Variants in TEX15 observed in about 807,000 individuals in gnomAD.
TEX15 encodes testis-expressed protein 15.
Under a neutral mutation model 237.3 loss-of-function variants are expected in TEX15, and 171 were observed. That is an observed-to-expected ratio of 0.72 (90% CI 0.64 to 0.82). The LOEUF (loss-of-function observed/expected upper bound fraction) is 0.82, where lower values mean the gene tolerates loss of function less well. Ranked by LOEUF, TEX15 falls within the 40% of genes least tolerant of loss-of-function variation. The pLI, the probability that TEX15 is intolerant of heterozygous loss-of-function variation, is 0.00. For synonymous variants in TEX15, 1,338 were observed against 1,269.8 expected (o/e 1.05, Z -1.14); for missense variants, 3,750 against 3,646.5 (o/e 1.03, Z -0.73).
In TEX15 at chr8:30,842,314, G is replaced by A. The variant is rs768090180; in HGVS notation, c.7853C>T (p.Thr2618Met). Residue 2618 changes from threonine (T) to methionine (M), a missense_variant, in exon 8 of 11, where the codon ACG becomes ATG. Transcript: ENST00000643185. ...KMAHIRKVMK[T>M]IEHMKMICTK... ...ACATATCATCTTCATATGTTCAATC[G>A]TTTTCATGACTTTCCTAATGTGGGC... 17 of 1,613,746 alleles carry A rather than the reference G, an allele frequency of 1.1e-5. No individual in the cohort carries two copies. The highest frequency in any genetic ancestry group is 5.5e-5 in the South Asian group (5 of 91,068).
In TEX15 at chr8:30,845,083, AT is replaced by A; in HGVS notation, c.5083del (p.Ile1695LeufsTer11). 1.2e-6 allele frequency: 2 copies of A among 1,613,460 alleles called. No homozygotes were observed. The highest frequency in any genetic ancestry group is 1.6e-4 in the Middle Eastern group (1 of 6,062). The stretch of plus-strand genomic sequence containing the variant: ...GCCCATAAGGAAGTTTCCTGTAATA[AT>A]GTTTTGTTTGGGTCTCTCAATAGGA... ...TDPIERPKQN[I>X]ITGNFLMGPL... is the part of the protein sequence containing the mutation. On this transcript the variant is annotated frameshift_variant, in exon 8 of 11. Coordinates refer to ENST00000643185, the MANE Select transcript of TEX15 (RefSeq NM_001350162.2). LOFTEE classifies it high-confidence loss of function.
Position 30,874,951 on chromosome 8 carries a change from A to AT in TEX15, c.287dup (p.Asn96LysfsTer5), listed in dbSNP as rs1293896962. 3 of 1,336,632 alleles carry AT rather than the reference A, an allele frequency of 2.2e-6. No homozygotes were observed. The highest frequency in any genetic ancestry group is 4.6e-5 in the South Asian group (2 of 43,214). The allele number at this position is 1,336,632 out of a possible 1,614,324, so 82.8% of individuals were successfully genotyped here. A position where few individuals can be genotyped will look rare whatever the true frequency, so the allele number is the denominator to read the frequency against. On this transcript the variant is annotated frameshift_variant, in exon 4 of 11. Transcript: ENST00000643185. LOFTEE classifies it high-confidence loss of function. ...TAGTAACTTACCTCTTAGCAGTAAA[A>AT]TTTTTTTCCAGTTCCTCATTGTGAA... is the stretch of plus-strand genomic sequence containing the variant.
chr8:30,870,338 G>T (rs1258399361), intron 4 of TEX15, among the ~76,000 whole-genome samples: 2 of 151,962 alleles, frequency 1.3e-5, no homozygotes, highest in Admixed American at 6.6e-5. Flanking sequence ...AAGTATAAGT[G>T]CTTTGGATGG....
intron 1 of TEX15, among the ~76,000 whole-genome samples, chr8:30,901,138 A>G (rs547299973): frequency 6.6e-6 from 1 of 152,348 alleles, no homozygotes; most frequent in Non-Finnish European, 1.5e-5. Context: ...AGCCTGTCTC[A>G]AAACAAACAA....
rs147567776 is a variant in TEX15, at chr8:30,844,877, T to C, written c.5290A>G (p.Lys1764Glu). 2.6e-5 allele frequency: 42 copies of C among 1,613,454 alleles called. No homozygotes were observed. The African/African-American group carries it at 4.7e-4, about 18-fold the overall frequency. ...VPHCEQSCRE[K>E]ELLKTEQCSS... ...CACTGTTCTGTCTTTAGAAGCTCTT[T>C]TTCTCTACAGCTCTGCTCACAGTGT... Residue 1764 changes from lysine (K) to glutamate (E), a missense_variant, in exon 8 of 11, where the codon AAA becomes GAA. Coordinates refer to ENST00000643185, the MANE Select transcript of TEX15 (RefSeq NM_001350162.2).
At position 30,842,400 on chromosome 8, in the gene TEX15, AT is replaced by A; in HGVS notation, c.7766del (p.Asn2589IlefsTer7). ...CATTCTTCAGCAGTGTAGAAAATTG[AT>A]TGTAGTTGTATTCTAACTCTGTCAC... ...STVTELEYNY[N>X]QFSTLLKNVM... On this transcript the variant is annotated frameshift_variant, in exon 8 of 11. Coordinates refer to ENST00000643185, the MANE Select transcript of TEX15 (RefSeq NM_001350162.2). LOFTEE classifies it high-confidence loss of function. 1 of 1,613,704 alleles carries A rather than the reference AT, an allele frequency of 6.2e-7. No individual in the cohort carries two copies. The highest frequency in any genetic ancestry group is 8.5e-7 in the Non-Finnish European group (1 of 1,179,840).
intron 1 of TEX15, among the ~76,000 whole-genome samples, chr8:30,901,871 T>A (rs150672015): frequency 0.019 from 2,831 of 152,334 alleles, 39 homozygotes; most frequent in South Asian, 0.033. Context: ...GTTTGTCACC[T>A]GGACATGTCC....
In TEX15 at chr8:30,837,682, G is replaced by A; in HGVS notation, c.8602C>T (p.Pro2868Ser). ...TLLQKFLKNS[P>S]DPTQKSCLSD... ...AGGCAGGATTTTTGGGTGGGATCTG[G>A]GGAATTTTTAAGAAATTTCTGCAAA... The change falls in exon 10 of 11, where the codon CCA becomes TCA. Residue 2868 changes from proline to serine, a missense_variant. Physicochemically the swap from Pro to Ser is moderately conservative, Grantham distance 74 (BLOSUM62 -1). Transcript: ENST00000643185. The A allele has an allele frequency of 6.2e-7, 1 of 1,613,932 alleles. No homozygotes were observed. Among genetic ancestry groups the A allele is most frequent in the Non-Finnish European group, 8.5e-7 (1 of 1,179,986 alleles).
intron 2 of TEX15, among the ~76,000 whole-genome samples, chr8:30,894,605 G>A (rs1808857444): frequency 6.6e-6 from 1 of 152,182 alleles, no homozygotes; most frequent in Non-Finnish European, 1.5e-5. Flanking sequence ...ACCATTCAGT[G>A]GGAGAAAGCA....
At chr8:30,873,858 A>G (rs951247533) in intron 4 of TEX15, among the ~76,000 whole-genome samples, 7 of 152,182 alleles carry the variant, frequency 4.6e-5, no homozygotes, top group Admixed American at 2.6e-4. Context: ...AATAGCTAAG[A>G]AAACAATAAA....
Position 30,846,278 on chromosome 8 carries a change from A to C in TEX15, c.3889T>G (p.Ser1297Ala), listed in dbSNP as rs750069756. Reference sequence around the variant, plus strand: ...TGTAGCTTCCTTTTGCTAATTCTTGATTCTACCTCCTTTTTATTTTTGGTA... The same window carrying C: ...TGTAGCTTCCTTTTGCTAATTCTTGCTTCTACCTCCTTTTTATTTTTGGTA... ...NDTKNKKEVE[S>A]RISKRKLHIS... The change falls in exon 8 of 11, where the codon TCA (serine) becomes GCA (alanine). Residue 1297 changes from serine (S) to alanine (A), a missense_variant. Coordinates refer to ENST00000643185, the MANE Select transcript of TEX15 (RefSeq NM_001350162.2). The C allele has an allele frequency of 6.2e-7, 1 of 1,613,228 alleles. No individual in the cohort carries two copies. Among genetic ancestry groups the C allele is most frequent in the South Asian group, 1.1e-5 (1 of 91,038 alleles).
At chr8:30,890,898 T>C (rs1384514564) in intron 2 of TEX15, among the ~76,000 whole-genome samples, 2 of 152,226 alleles carry the variant, frequency 1.3e-5, no homozygotes, top group Non-Finnish European at 2.9e-5. Flanking sequence ...CTTATCTTTT[T>C]GTCCATATTT....
Position 30,847,481 on chromosome 8 carries a change from A to T in TEX15, c.2686T>A (p.Phe896Ile). 1 of 1,612,874 alleles carries T rather than the reference A, an allele frequency of 6.2e-7. No homozygotes were observed. Among genetic ancestry groups the T allele is most frequent in the Non-Finnish European group, 8.5e-7 (1 of 1,179,776 alleles). Residue 896 changes from phenylalanine to isoleucine, a missense_variant, in exon 8 of 11, where the codon TTC becomes ATC. Phe to Ile is a conservative substitution (Grantham distance 21, BLOSUM62 0). Transcript: ENST00000643185. ...TCCTCCTTTTCATCTATATTGCTGAAATTTTCGTTTGTATGAGAATCCTGC... is the reference window on the plus strand; with the variant it reads ...TCCTCCTTTTCATCTATATTGCTGATATTTTCGTTTGTATGAGAATCCTGC... ...KKQDSHTNEN[F>I]SNIDEKEDKN...
In TEX15 at chr8:30,859,940, T is replaced by A. The variant is rs964207788; in HGVS notation, c.658A>T (p.Thr220Ser). The change falls in exon 6 of 11, where the codon ACC (threonine) becomes TCC (serine). Residue 220 changes from threonine (T) to serine (S), a missense_variant. Coordinates refer to ENST00000643185, the MANE Select transcript of TEX15 (RefSeq NM_001350162.2). ...GAACTGTAGGCTTGCAGTTCAATGG[T>A]ATCTTTCAAAGAAGGTGCATTTCTT... ...MSRNAPSLKDTIELQAYSSAV... is the reference protein window; with the variant it reads ...MSRNAPSLKDSIELQAYSSAV... The A allele has an allele frequency of 6.6e-7, 1 of 1,505,540 alleles. No individual in the cohort carries two copies. Among genetic ancestry groups the A allele is most frequent in the African/African-American group, 1.4e-5 (1 of 71,002 alleles). The allele number at this position is 1,505,540 out of a possible 1,614,324, so 93.3% of individuals were successfully genotyped here.
At chr8:30,835,754 C>T (rs999656175) in intron 10 of TEX15, among the ~76,000 whole-genome samples, 1 of 152,126 alleles carries the variant, frequency 6.6e-6, no homozygotes, top group Admixed American at 6.5e-5. Flanking sequence ...CATTAAAACA[C>T]CTATATTCTA....
Position 30,875,053 on chromosome 8 carries a change from A to T in TEX15, c.186T>A (p.His62Gln). 7.5e-7 allele frequency: 1 copy of T among 1,331,762 alleles called. No individual in the cohort carries two copies. The highest frequency in any genetic ancestry group is 9.6e-7 in the Non-Finnish European group (1 of 1,038,420). The allele number at this position is 1,331,762 out of a possible 1,614,324, so 82.5% of individuals were successfully genotyped here. Residue 62 changes from histidine (H) to glutamine (Q), a missense_variant, in exon 4 of 11, where the codon CAT (histidine) becomes CAA (glutamine). By Grantham distance (24) the His-to-Gln change is conservative (BLOSUM62 0). Coordinates refer to ENST00000643185, the MANE Select transcript of TEX15 (RefSeq NM_001350162.2). ...CAAGCCTGCACTGGTTAAGAGTATC[A>T]TGTATAAAACTATACTCTCTACTAT... ...YTNSREYSFI[H>Q]DTLNQCRLDV... is the part of the protein sequence containing the mutation.
chr8:30,837,804 G>C lies in TEX15; in HGVS notation c.8480C>G (p.Ala2827Gly). ...TTTCTTATCACTTTTTGTTTCAGCA[G>C]CACTGAAGTTCACATTTCTTTTCTT... ...SMKKRNVNFS[A>G]AETKSDKKDC... is the part of the protein sequence containing the mutation. Residue 2827 changes from alanine (A) to glycine (G), a missense_variant, in exon 10 of 11, where the codon GCT becomes GGT. Coordinates refer to ENST00000643185, the MANE Select transcript of TEX15 (RefSeq NM_001350162.2). The C allele has an allele frequency of 1.2e-6, 2 of 1,614,130 alleles. No homozygotes were observed. The highest frequency in any genetic ancestry group is 2.2e-5 in the South Asian group (2 of 91,066).
Position 30,846,677 on chromosome 8 carries a change from A to G in TEX15, c.3490T>C (p.Phe1164Leu). 6.2e-7 allele frequency: 1 copy of G among 1,613,694 alleles called. No homozygotes were observed. Among genetic ancestry groups the G allele is most frequent in the East Asian group, 2.2e-5 (1 of 44,874 alleles). The part of the protein sequence containing the change: ...PDLQIKITNI[F>L]RPGFSPTADS... ...GCTGTCGGGCTGAATCCTGGCCTAA[A>G]TATATTAGTAATTTTAATTTGTAGA... Residue 1164 changes from phenylalanine to leucine, a missense_variant, in exon 8 of 11, where the codon TTT becomes CTT. By Grantham distance (22) the Phe-to-Leu change is conservative. Transcript: ENST00000643185.
At position 30,843,724 on chromosome 8, in the gene TEX15, T is replaced by C; in HGVS notation, c.6443A>G (p.Gln2148Arg). 1 of 1,613,106 alleles carries C rather than the reference T, an allele frequency of 6.2e-7. No individual in the cohort carries two copies. The highest frequency in any genetic ancestry group is 8.5e-7 in the Non-Finnish European group (1 of 1,179,554). Residue 2148 changes from glutamine (Q) to arginine (R), a missense_variant, in exon 8 of 11, where the codon CAA (glutamine) becomes CGA (arginine). Transcript: ENST00000643185. ...AFCELQTYHD[Q>R]LVELLEETKR... ...TGTTTCTTCAAGCAATTCAACTAAT[T>C]GATCATGGTAAGTCTGTAACTCACA...
Sources: allele counts gnomAD v4.1 joint callset (sites outside exome capture counted in the v4.1 genomes callset), GRCh38; gene constraint gnomAD v4.1.1; transcripts MANE v1.5; gene names NCBI Gene and HGNC (gene_info 2026-07-23, HGNC 2026-07-21).